Variants in TFB1M observed in about 807,000 individuals in gnomAD.
The protein encoded by TFB1M is transcription factor B1, mitochondrial, also known as dimethyladenosine transferase 1, mitochondrial.
A neutral mutation model predicts 31.1 loss-of-function variants in TFB1M; 27 were observed. The ratio of observed to expected loss-of-function variants is 0.87; its 90% CI spans 0.64 to 1.20. The LOEUF (loss-of-function observed/expected upper bound fraction) is 1.20, where lower values mean the gene tolerates loss of function less well. Among genes scored for constraint, TFB1M ranks in the 50% most tolerant of loss-of-function variants. TFB1M has a pLI of 0.00. For synonymous variants in TFB1M, 166 were observed against 151.8 expected, an observed-to-expected ratio of 1.09 and a Z score of -0.69; for missense variants, 394 against 418.7, an observed-to-expected ratio of 0.94 and a Z score of 0.51.
the TFB1M span, among the ~76,000 whole-genome samples, chr6:155,233,323 G>A: frequency 1.3e-5 from 2 of 152,204 alleles, no homozygotes; most frequent in Non-Finnish European, 2.9e-5. Flanking sequence ...CTGTCATCAA[G>A]AGGAGGCCAT....
rs1341088888 is a variant in TFB1M, at chr6:155,314,379, G to A, written c.50C>T (p.Thr17Met). 1 of 1,614,134 alleles carries A rather than the reference G, an allele frequency of 6.2e-7. No individual in the cohort carries two copies. Among genetic ancestry groups the A allele is most frequent in the East Asian group, 2.2e-5 (1 of 44,892 alleles). Reference protein sequence around the residue: ...LSTCRLPPLPTIREIIKLLRL... With the variant: ...LSTCRLPPLPMIREIIKLLRL... ...TAACAACTTAATGATTTCTCGAATC[G>A]TGGGCAACGGAGGGAGACGGCAAGT... The change falls in exon 1 of 7, where the codon ACG becomes ATG. Residue 17 changes from threonine to methionine, a missense_variant. This residue lies in a region of TFB1M where 273 missense variants were observed against 256.4 expected (regional missense o/e 1.06). Coordinates refer to ENST00000367166, the MANE Select transcript of TFB1M (RefSeq NM_016020.4).
intron 6 of TFB1M, 36 bp from the exon 7 acceptor site, chr6:155,258,118 T>TTTAC (rs746240840): frequency 1.3e-4 from 212 of 1,612,606 alleles, no homozygotes; most frequent in East Asian, 8.0e-4. Flanking sequence ...AAATAAGAAT[T>TTTAC]TTACTTAAAT....
Position 155,298,655 on chromosome 6 carries a change from C to T in TFB1M, c.286-70G>A. 2.8e-6 allele frequency: 3 copies of T among 1,054,720 alleles called. No homozygotes were observed. In the South Asian group the frequency reaches 3.8e-5, roughly 13 times the overall value. The allele number at this position is 1,054,720 out of a possible 1,614,324, so 65.3% of individuals were successfully genotyped here. A position where few individuals can be genotyped will look rare whatever the true frequency, so the allele number is the denominator to read the frequency against. On this transcript the variant is annotated intron_variant, in intron 2 of 6. Transcript: ENST00000367166. The stretch of plus-strand genomic sequence containing the variant: ...GAGTAACAAAACTAAACTTTTTAAA[C>T]CTGTGCATTTAAAAAATCAGTTAAA...
In TFB1M at chr6:155,257,653, T is replaced by TTGTAC; in HGVS notation, c.*178_*182dup. On this transcript the variant is annotated 3_prime_UTR_variant, in exon 7 of 7. Transcript: ENST00000367166. Reference sequence around the variant, plus strand: ...TATACAGTATATATTAAAAGAAAGCTTGTACTGTATCTTATTTGATGATAT... The same window carrying TTGTAC: ...TATACAGTATATATTAAAAGAAAGCTTGTACTGTACTGTATCTTATTTGATGATAT... 1.5e-6 allele frequency: 1 copy of TTGTAC among 645,702 alleles called. No homozygotes were observed. Among genetic ancestry groups the TTGTAC allele is most frequent in the South Asian group, 1.9e-5 (1 of 51,454 alleles). 40.0% of individuals were successfully genotyped at this position (645,702 alleles called of 1,614,324 possible). A position where few individuals can be genotyped will look rare whatever the true frequency, so the allele number is the denominator to read the frequency against.
chr6:155,299,687 A>C (rs1777340821), intron 2 of TFB1M: 1 of 152,180 alleles, frequency 6.6e-6, no homozygotes. Flanking sequence ...GCTCAAAGGG[A>C]ACATTTGCCC....
chr6:155,254,065 G>T, downstream of TFB1M: 1 of 1,613,012 alleles, frequency 6.2e-7, no homozygotes, highest in African/African-American at 1.3e-5. Flanking sequence ...TTGCAGGTAT[G>T]ACTGACTTCC....
intron 2 of TFB1M, among the ~76,000 whole-genome samples, chr6:155,309,187 T>C (rs1777912422): frequency 6.6e-6 from 1 of 152,254 alleles, no homozygotes; most frequent in Admixed American, 6.5e-5. Flanking sequence ...TTAATTAATA[T>C]GAGAGATACA....
chr6:155,244,587 G>A, the TFB1M span: 70 of 1,536,324 alleles, frequency 4.6e-5, no homozygotes, highest in Non-Finnish European at 6.2e-5. Flanking sequence ...TTATTTGTGG[G>A]CCTAAGAGTT....
At chr6:155,247,725 A>T in the TFB1M span, among the ~76,000 whole-genome samples, 1 of 152,212 alleles carries the variant, frequency 6.6e-6, no homozygotes, top group Admixed American at 6.5e-5. Flanking sequence ...CTTTAAAGTC[A>T]GACATTCCTG....
chr6:155,244,886 A>C, the TFB1M span: 1 of 1,355,108 alleles, frequency 7.4e-7, no homozygotes, highest in Non-Finnish European at 9.9e-7. Flanking sequence ...TCCTGTGACT[A>C]TTGACTATTT....
At chr6:155,286,093 C>A (rs1040806627) in intron 4 of TFB1M, among the ~76,000 whole-genome samples, 1 of 152,036 alleles carries the variant, frequency 6.6e-6, no homozygotes. Context: ...CAGACCCAAG[C>A]ACATTAGATA....
intron 5 of TFB1M, among the ~76,000 whole-genome samples, chr6:155,271,274 G>A (rs1330611149): frequency 6.6e-6 from 1 of 152,088 alleles, no homozygotes; most frequent in Non-Finnish European, 1.5e-5. Context: ...AAAAAAATGA[G>A]AACCCAAAAG....
Position 155,257,631 on chromosome 6 carries a change from A to G in TFB1M, c.*205T>C, listed in dbSNP as rs1784153776. 2 of 592,450 alleles carry G rather than the reference A, an allele frequency of 3.4e-6. No individual in the cohort carries two copies. The allele number at this position is 592,450 out of a possible 1,614,324, so 36.7% of individuals were successfully genotyped here. A position where few individuals can be genotyped will look rare whatever the true frequency, so the allele number is the denominator to read the frequency against. ...TACTAAACATGTCATAACTATCTAT[A>G]CAGTATATATTAAAAGAAAGCTTGT... On this transcript the variant is annotated 3_prime_UTR_variant, in exon 7 of 7. Transcript: ENST00000367166.
intron 5 of TFB1M, among the ~76,000 whole-genome samples, chr6:155,266,523 A>G (rs1032457303): frequency 5.3e-5 from 8 of 152,128 alleles, no homozygotes; most frequent in Admixed American, 3.9e-4. Context: ...AGCCAGATAC[A>G]AACTTCCCCA....
chr6:155,266,802 G>T (rs1381116887), intron 5 of TFB1M, among the ~76,000 whole-genome samples: 3 of 135,790 alleles, frequency 2.2e-5, no homozygotes, highest in African/African-American at 8.6e-5. Context: ...AGCTGAGATC[G>T]TGCCACTGCA....
chr6:155,303,831 C>A (rs1360549548), intron 2 of TFB1M, among the ~76,000 whole-genome samples: 1 of 152,114 alleles, frequency 6.6e-6, no homozygotes, highest in Non-Finnish European at 1.5e-5. Context: ...TTTGCAATAT[C>A]CACAGAAGAG....
At chr6:155,264,240 G>A (rs1031855292) in intron 5 of TFB1M, 4 of 152,106 alleles carry the variant, frequency 2.6e-5, no homozygotes, top group African/African-American at 9.7e-5. Flanking sequence ...CCAAGCTAAT[G>A]ACAGTCCACT....
intron 4 of TFB1M, among the ~76,000 whole-genome samples, chr6:155,293,539 C>T (rs1022067372): frequency 3.3e-5 from 5 of 152,066 alleles, no homozygotes; most frequent in South Asian, 2.1e-4. Flanking sequence ...CTTAGAACTG[C>T]GTATTTCAAG....
chr6:155,314,023 T>A lies in TFB1M; in HGVS notation c.133+273A>T, dbSNP rs994821907. 5 of 1,195,290 alleles carry A rather than the reference T, an allele frequency of 4.2e-6. No homozygotes were observed. The African/African-American group carries it at 7.7e-5, about 18-fold the overall frequency. 74.0% of individuals were successfully genotyped at this position (1,195,290 alleles called of 1,614,324 possible). A position where few individuals can be genotyped will look rare whatever the true frequency, so the allele number is the denominator to read the frequency against. On this transcript the variant is annotated intron_variant, in intron 1 of 6. Coordinates refer to ENST00000367166, the MANE Select transcript of TFB1M (RefSeq NM_016020.4). Reference sequence around the variant, plus strand: ...ATTCACTAGCGCCTTTCACGACCCATGAACCCTTCCTCCCCTAGGGAGCTT... The same window carrying A: ...ATTCACTAGCGCCTTTCACGACCCAAGAACCCTTCCTCCCCTAGGGAGCTT...
Sources: gnomAD v4.1 joint callset for allele counts (sites outside exome capture counted in the v4.1 genomes callset) on GRCh38, gnomAD v4.1.1 for gene constraint, gnomAD v4.1.1 regional missense constraint, MANE v1.5 for transcripts, NCBI Gene and HGNC (gene_info 2026-07-23, HGNC 2026-07-21) for gene names.